PBX3: variants seen among roughly 807,000 people sequenced by gnomAD.
PBX3 encodes the protein PBX homeobox 3, also known as pre-B-cell leukemia transcription factor 3.
In PBX3, 14 loss-of-function variants were observed where a neutral mutation model predicts 48.5. That is an observed-to-expected ratio of 0.29 (90% CI 0.19 to 0.45). The LOEUF (loss-of-function observed/expected upper bound fraction) is 0.45, where lower values mean the gene tolerates loss of function less well. PBX3 is among the 20% of genes least tolerant of loss of function. PBX3 has a pLI of 1.00. For synonymous variants in PBX3, 210 were observed against 200.3 expected (o/e 1.05, Z -0.41); for missense variants, 386 against 546.7 (o/e 0.71, Z 2.93).
chr9:125,840,666 T>G (rs1007786640), intron 2 of PBX3, among the ~76,000 whole-genome samples: 1 of 152,026 alleles, frequency 6.6e-6, no homozygotes, highest in Non-Finnish European at 1.5e-5. Flanking sequence ...TCAAGAAAAT[T>G]TTTACTTGAA....
At chr9:125,855,761 C>A (rs1351481590) in intron 2 of PBX3, among the ~76,000 whole-genome samples, 1 of 152,126 alleles carries the variant, frequency 6.6e-6, no homozygotes, top group Non-Finnish European at 1.5e-5. Flanking sequence ...GAAAGCTTTA[C>A]AGATGAAAGT....
intron 3 of PBX3, among the ~76,000 whole-genome samples, chr9:125,926,719 C>T (rs1251804495): frequency 6.6e-6 from 1 of 152,170 alleles, no homozygotes; most frequent in Non-Finnish European, 1.5e-5. Context: ...ACTTGGGAGG[C>T]TGAGGCAGGA....
chr9:125,812,733 T>C (rs987238599), intron 2 of PBX3, among the ~76,000 whole-genome samples: 6 of 152,260 alleles, frequency 3.9e-5, no homozygotes, highest in Non-Finnish European at 5.9e-5. Context: ...TTAAATGATA[T>C]AGCCTTCTGT....
intron 2 of PBX3, among the ~76,000 whole-genome samples, chr9:125,915,219 C>T (rs1564171347): frequency 1.3e-5 from 2 of 152,136 alleles, no homozygotes; most frequent in Admixed American, 6.5e-5. Flanking sequence ...TGTGAATTAA[C>T]TATTTTATGG....
At chr9:125,823,295 C>A (rs1410654743) in intron 2 of PBX3, among the ~76,000 whole-genome samples, 3 of 152,040 alleles carry the variant, frequency 2.0e-5, no homozygotes, top group Admixed American at 6.5e-5. Flanking sequence ...GTTGTCATGA[C>A]CCTGTGAGGA....
chr9:125,884,760 G>A (rs1840459744), intron 2 of PBX3, among the ~76,000 whole-genome samples: 1 of 152,114 alleles, frequency 6.6e-6, no homozygotes, highest in Non-Finnish European at 1.5e-5. Context: ...ACTCCATAGA[G>A]AGCAGCACTT....
chr9:125,935,725 G>A, intron 5 of PBX3, 118 bp downstream of exon 5: 5 of 1,010,430 alleles, frequency 4.9e-6, no homozygotes, highest in South Asian at 3.9e-5. Context: ...AAAGATATAA[G>A]GAAAATGTAG....
intron 2 of PBX3, among the ~76,000 whole-genome samples, chr9:125,830,689 G>T (rs984190097): frequency 6.6e-6 from 1 of 152,076 alleles, no homozygotes; most frequent in African/African-American, 2.4e-5. Context: ...GACACATTTT[G>T]TCTATTATCT....
chr9:125,768,924 T>C (rs1017809359), intron 2 of PBX3, among the ~76,000 whole-genome samples: 1 of 152,180 alleles, frequency 6.6e-6, no homozygotes, highest in African/African-American at 2.4e-5. Context: ...GGTTTCTTTT[T>C]GAAAAAAGGT....
chr9:125,923,457 T>A (rs899167738), intron 3 of PBX3, among the ~76,000 whole-genome samples: 1 of 152,236 alleles, frequency 6.6e-6, no homozygotes, highest in African/African-American at 2.4e-5. Flanking sequence ...GGACTTAGAC[T>A]CTTAACAATT....
intron 2 of PBX3, among the ~76,000 whole-genome samples, chr9:125,757,977 G>A (rs1836565840): frequency 6.6e-6 from 1 of 152,194 alleles, no homozygotes; most frequent in African/African-American, 2.4e-5. Context: ...TCTTTTAACT[G>A]TGTATGAGGT....
intron 4 of PBX3, 101 bp downstream of exon 4, chr9:125,929,946 C>A: frequency 1.2e-6 from 1 of 848,782 alleles, no homozygotes; most frequent in Non-Finnish European, 1.9e-6. Flanking sequence ...ATTCTTTTGG[C>A]CATATGAGTC....
At chr9:125,793,451 A>G (rs974879667) in intron 2 of PBX3, among the ~76,000 whole-genome samples, 3 of 148,244 alleles carry the variant, frequency 2.0e-5, no homozygotes, top group East Asian at 2.0e-4. Context: ...TTTGGTTGAC[A>G]TGGAGTCTGA....
intron 2 of PBX3, among the ~76,000 whole-genome samples, chr9:125,873,124 G>A (rs554008052): frequency 6.6e-6 from 1 of 151,332 alleles, no homozygotes; most frequent in Admixed American, 6.6e-5. Flanking sequence ...GGCGGAGGTT[G>A]CAGTGAGCCA....
intron 2 of PBX3, among the ~76,000 whole-genome samples, chr9:125,854,180 G>A (rs1839659008): frequency 6.6e-6 from 1 of 152,082 alleles, no homozygotes; most frequent in Non-Finnish European, 1.5e-5. Context: ...TGCCCAGGCT[G>A]GAGTGCAGTG....
intron 5 of PBX3, among the ~76,000 whole-genome samples, chr9:125,946,626 T>C (rs1170557568): frequency 2.0e-5 from 3 of 151,852 alleles, no homozygotes; most frequent in African/African-American, 7.3e-5. Flanking sequence ...GAAAGGAAAA[T>C]CAGTGGACTG....
At chr9:125,943,352 C>CAAA (rs60326557) in intron 5 of PBX3, among the ~76,000 whole-genome samples, 4 of 60,878 alleles carry the variant, frequency 6.6e-5, no homozygotes, top group Non-Finnish European at 1.3e-4. Flanking sequence ...GAGACTGTCT[C>CAAA]AAAAAAAAAA....
chr9:125,865,382 G>A (rs931352199), intron 2 of PBX3: 7 of 167,046 alleles, frequency 4.2e-5, no homozygotes, highest in African/African-American at 7.2e-5. Flanking sequence ...GAAAATAATT[G>A]TGTTTCTTAG....
At position 125,747,412 on chromosome 9, in the gene PBX3, C is replaced by T. The variant is rs1167293220; in HGVS notation, c.-42C>T. 10 of 1,358,194 alleles carry T rather than the reference C, an allele frequency of 7.4e-6. No individual in the cohort carries two copies. Among genetic ancestry groups the T allele is most frequent in the Admixed American group, 3.3e-5 (1 of 30,482 alleles). The allele number at this position is 1,358,194 out of a possible 1,614,324, so 84.1% of individuals were successfully genotyped here. A position where few individuals can be genotyped will look rare whatever the true frequency, so the allele number is the denominator to read the frequency against. ...CCGCCGCCGCCGCCGCCGCCTCAGCCTTCGCCTCAGCCGCCGCCCGCTCCC... is the reference window on the plus strand; with the variant it reads ...CCGCCGCCGCCGCCGCCGCCTCAGCTTTCGCCTCAGCCGCCGCCCGCTCCC... On this transcript the variant is annotated 5_prime_UTR_variant, in exon 1 of 9. Transcript: ENST00000373489.
Sources: allele counts gnomAD v4.1 joint callset (sites outside exome capture counted in the v4.1 genomes callset), GRCh38; gene constraint gnomAD v4.1.1; transcripts MANE v1.5; gene names NCBI Gene and HGNC (gene_info 2026-07-23, HGNC 2026-07-21).